CDH10: variants seen among roughly 807,000 people sequenced by gnomAD.
CDH10 encodes cadherin 10.
In CDH10, 30 loss-of-function variants were observed where a neutral mutation model predicts 73.1. The ratio of observed to expected loss-of-function variants is 0.41; its 90% confidence interval spans 0.31 to 0.56. The LOEUF is 0.56. CDH10 is among the 20% of genes least tolerant of loss of function. The pLI, the probability that CDH10 is intolerant of heterozygous loss-of-function variation, is 0.27. For synonymous variants in CDH10, 345 were observed against 348.2 expected (o/e 0.99, Z 0.10); for missense variants, 815 against 973.7 (o/e 0.84, Z 2.17).
chr5:24,589,568 AC>A (rs1261707372), intron 2 of CDH10, among the ~76,000 whole-genome samples: 12 of 151,618 alleles, frequency 7.9e-5, no homozygotes, highest in Non-Finnish European at 1.8e-4. Context: ...GCTTTTTACC[AC>A]CTGAGACTAA....
At chr5:24,617,197 A>G (rs914498370) in intron 1 of CDH10, among the ~76,000 whole-genome samples, 18 of 152,062 alleles carry the variant, frequency 1.2e-4, no homozygotes, top group African/African-American at 4.1e-4. Context: ...CAGCATCCCC[A>G]GCCTCTACCT....
intron 1 of CDH10, among the ~76,000 whole-genome samples, chr5:24,636,453 C>A (rs991841465): frequency 1.3e-5 from 2 of 151,920 alleles, no homozygotes; most frequent in African/African-American, 2.4e-5. Flanking sequence ...TTAAACATGA[C>A]CTTCCTCTGG....
intron 5 of CDH10, among the ~76,000 whole-genome samples, chr5:24,524,651 C>G (rs1743459677): frequency 6.6e-6 from 1 of 152,046 alleles, no homozygotes; most frequent in South Asian, 2.1e-4. Flanking sequence ...CTGGTGGGTA[C>G]ATTCTTAGTA....
chr5:24,501,965 C>A (rs117070847), intron 8 of CDH10, among the ~76,000 whole-genome samples: 3,131 of 151,996 alleles, frequency 0.021, 62 homozygotes, highest in East Asian at 0.091. Context: ...GTCGCCCTGG[C>A]TGCAGTGCAG....
At chr5:24,629,332 A>T (rs1307582453) in intron 1 of CDH10, among the ~76,000 whole-genome samples, 2 of 152,158 alleles carry the variant, frequency 1.3e-5, no homozygotes, top group African/African-American at 4.8e-5. Flanking sequence ...CCCAGCAAGA[A>T]TTTTAAAATA....
intron 1 of CDH10, among the ~76,000 whole-genome samples, chr5:24,601,178 C>T (rs1375579058): frequency 6.6e-6 from 1 of 152,082 alleles, no homozygotes; most frequent in Non-Finnish European, 1.5e-5. Context: ...GCCTACTGGG[C>T]TTAATGGAAA....
At chr5:24,547,991 G>A (rs953011454) in intron 2 of CDH10, among the ~76,000 whole-genome samples, 16 of 152,320 alleles carry the variant, frequency 1.1e-4, no homozygotes, top group African/African-American at 3.8e-4. Flanking sequence ...ATTGGGTCAT[G>A]CAATTGTCAG....
chr5:24,527,255 A>T (rs1159202393), intron 5 of CDH10, among the ~76,000 whole-genome samples: 1 of 148,030 alleles, frequency 6.8e-6, no homozygotes, highest in South Asian at 2.1e-4. Flanking sequence ...AATTAAATAC[A>T]TATAGTCTTA....
chr5:24,532,566 A>C (rs1036956627), intron 5 of CDH10, among the ~76,000 whole-genome samples: 2 of 152,130 alleles, frequency 1.3e-5, no homozygotes, highest in African/African-American at 4.8e-5. Context: ...TCATATAGCT[A>C]TGACTACAAA....
chr5:24,593,225 A>G (rs750939151), intron 2 of CDH10, 35 bp downstream of exon 2: 2 of 1,169,446 alleles, frequency 1.7e-6, no homozygotes, highest in East Asian at 4.7e-5. Flanking sequence ...TATAAAGAGC[A>G]AATATAAACA....
At chr5:24,492,562 G>T (rs549181192) in intron 10 of CDH10, among the ~76,000 whole-genome samples, 1 of 152,044 alleles carries the variant, frequency 6.6e-6, no homozygotes, top group Non-Finnish European at 1.5e-5. Context: ...ATCTCCAGCC[G>T]TTCTAATCTT....
chr5:24,505,745 C>T (rs1453765119), intron 7 of CDH10, among the ~76,000 whole-genome samples: 1 of 152,162 alleles, frequency 6.6e-6, no homozygotes, highest in Admixed American at 6.5e-5. Context: ...GATATAACAC[C>T]CACGTAGCTT....
At chr5:24,572,801 T>C (rs1418772488) in intron 2 of CDH10, among the ~76,000 whole-genome samples, 2 of 151,998 alleles carry the variant, frequency 1.3e-5, no homozygotes, top group African/African-American at 4.8e-5. Context: ...TCTCACACCA[T>C]ATTCACATAG....
intron 5 of CDH10, among the ~76,000 whole-genome samples, chr5:24,530,134 C>G (rs1337988632): frequency 6.9e-6 from 1 of 144,788 alleles, no homozygotes; most frequent in East Asian, 2.1e-4. Context: ...TCTTGACCTT[C>G]TTCTCTGGTG....
intron 5 of CDH10, 54 bp from the exon 6 acceptor site, chr5:24,511,568 AG>A (rs1742911813): frequency 2.5e-6 from 2 of 802,700 alleles, no homozygotes; most frequent in African/African-American, 3.7e-5. Context: ...AGAGAGAGAG[AG>A]AGAGAGAGAG....
intron 1 of CDH10, among the ~76,000 whole-genome samples, chr5:24,623,453 A>C (rs1561201593): frequency 6.6e-6 from 1 of 152,216 alleles, no homozygotes; most frequent in African/African-American, 2.4e-5. Context: ...TGTAATGTGC[A>C]TTCTTAAAGT....
chr5:24,505,262 G>T lies in CDH10; in HGVS notation c.1257-14C>A, dbSNP rs144680689. On this transcript the variant is annotated splice_polypyrimidine_tract_variant and intron_variant, in intron 7 of 11. Coordinates refer to ENST00000264463, the MANE Select transcript of CDH10 (RefSeq NM_006727.5). ...TCCAAGGAAAATCTGAACATGGAGG[G>T]CAAGAAAAAATACATGGCAGCATTA... 9.9e-6 allele frequency: 16 copies of T among 1,608,760 alleles called. No individual in the cohort carries two copies. The East Asian group carries it at 3.4e-4, about 34-fold the overall frequency.
At chr5:24,623,353 A>C (rs1747380832) in intron 1 of CDH10, among the ~76,000 whole-genome samples, 1 of 152,210 alleles carries the variant, frequency 6.6e-6, no homozygotes, top group Non-Finnish European at 1.5e-5. Context: ...AATGAGGAAA[A>C]AGGGTAATAA....
At chr5:24,495,795 T>C (rs1029778451) in intron 9 of CDH10, among the ~76,000 whole-genome samples, 2 of 147,848 alleles carry the variant, frequency 1.4e-5, no homozygotes, top group Non-Finnish European at 3.0e-5. Context: ...GAGGTTGCAG[T>C]GAGCCGAGAT....
Sources: allele counts gnomAD v4.1 joint callset (sites outside exome capture counted in the v4.1 genomes callset), GRCh38; gene constraint gnomAD v4.1.1; transcripts MANE v1.5; gene names NCBI Gene and HGNC (gene_info 2026-07-23, HGNC 2026-07-21).